STXBP5: variants seen among roughly 807,000 people sequenced by gnomAD.
STXBP5 encodes syntaxin binding protein 5.
STXBP5 carries 50 observed loss-of-function variants against 152.4 expected under a neutral mutation model. The observed-to-expected ratio is 0.33, with a 90% CI of 0.26 to 0.42. The LOEUF is 0.42. Ranked by LOEUF, STXBP5 falls within the 10% of genes least tolerant of loss-of-function variation. The pLI, the probability that STXBP5 is intolerant of heterozygous loss-of-function variation, is 1.00. For missense variants in STXBP5, 1,167 were observed against 1,388.6 expected, an observed-to-expected ratio of 0.84 and a Z score of 2.54; for synonymous variants, 492 against 494.7, an observed-to-expected ratio of 0.99 and a Z score of 0.07.
intron 21 of STXBP5, among the ~76,000 whole-genome samples, chr6:147,347,745 GA>G (rs1784401201): frequency 6.6e-6 from 1 of 152,084 alleles, no homozygotes; most frequent in African/African-American, 2.4e-5. Context: ...TTTAAGAAAA[GA>G]TACATCTTGT....
At chr6:147,224,742 G>T (rs897747556) in intron 2 of STXBP5, among the ~76,000 whole-genome samples, 1 of 152,078 alleles carries the variant, frequency 6.6e-6, no homozygotes, top group Non-Finnish European at 1.5e-5. Flanking sequence ...GAAATCAAAG[G>T]TTTCTGATGA....
chr6:147,344,330 G>A (rs574779752), intron 21 of STXBP5, among the ~76,000 whole-genome samples: 40 of 152,278 alleles, frequency 2.6e-4, no homozygotes, highest in African/African-American at 9.4e-4. Flanking sequence ...CTAGCATAAA[G>A]AAAATTAGTC....
intron 8 of STXBP5, among the ~76,000 whole-genome samples, chr6:147,281,786 G>A (rs1780714833): frequency 6.6e-6 from 1 of 152,196 alleles, no homozygotes; most frequent in African/African-American, 2.4e-5. Flanking sequence ...TATCCTTGAA[G>A]AATCTGTTCA....
rs752458091 is a variant in STXBP5, at chr6:147,204,537, G to A, written c.5G>A (p.Arg2Lys). 2 of 1,612,142 alleles carry A rather than the reference G, an allele frequency of 1.2e-6. No individual in the cohort carries two copies. Among genetic ancestry groups the A allele is most frequent in the Admixed American group, 1.7e-5 (1 of 59,932 alleles). Residue 2 changes from arginine (R) to lysine (K), a missense_variant, in exon 1 of 28, where the codon AGG becomes AAG. Arg to Lys is a conservative substitution (Grantham distance 26). This residue lies in a region of STXBP5 where 310 missense variants were observed against 346.1 expected (regional missense o/e 0.90). Coordinates refer to ENST00000321680, the MANE Select transcript of STXBP5 (RefSeq NM_001127715.4). The surrounding 1 kb of genome is among the most constrained non-coding windows in gnomAD (Gnocchi z 4.3). MRKFNIRKVLDG... is the reference protein window; with the variant it reads MKKFNIRKVLDG... ...CGGGGGAGCCCCTCCGAGACCATGA[G>A]GAAATTCAACATCAGGAAGGTGCTG...
intron 2 of STXBP5, among the ~76,000 whole-genome samples, chr6:147,219,084 A>T (rs1437816821): frequency 6.6e-6 from 1 of 152,132 alleles, no homozygotes; most frequent in Non-Finnish European, 1.5e-5. Context: ...TGTAGTTTTT[A>T]TGTAGATGTT....
chr6:147,380,770 T>C (rs1411848027), intron 26 of STXBP5, among the ~76,000 whole-genome samples: 1 of 152,096 alleles, frequency 6.6e-6, no homozygotes, highest in African/African-American at 2.4e-5. Flanking sequence ...ATATCTGATA[T>C]CAGATTACGT....
chr6:147,263,244 G>C (rs1458117627), intron 6 of STXBP5, among the ~76,000 whole-genome samples: 1 of 151,782 alleles, frequency 6.6e-6, no homozygotes, highest in Non-Finnish European at 1.5e-5. Context: ...TTCAATGGGA[G>C]GCATGGTAGG....
chr6:147,291,983 T>G (rs901313680), intron 9 of STXBP5, among the ~76,000 whole-genome samples: 1 of 151,978 alleles, frequency 6.6e-6, no homozygotes, highest in African/African-American at 2.4e-5. Context: ...GATTCTCAGA[T>G]TCCACCCTAG....
intron 18 of STXBP5, among the ~76,000 whole-genome samples, chr6:147,332,297 G>C (rs898180363): frequency 6.6e-6 from 1 of 152,158 alleles, no homozygotes; most frequent in African/African-American, 2.4e-5. Context: ...AACTGAAAGA[G>C]ACACACACTT....
chr6:147,324,263 G>GTTTTTTTTTTTTTTTTTT (rs764684701), intron 16 of STXBP5, among the ~76,000 whole-genome samples: 2 of 85,044 alleles, frequency 2.4e-5, no homozygotes, highest in South Asian at 4.3e-4. Context: ...GTTTTTTTTT[G>GTTTTTTTTTTTTTTTTTT]GTTTTTTTTT....
rs759420883 is a variant in STXBP5, at chr6:147,364,004, G to A, written c.2919G>A (p.Leu973=). Reference sequence around the variant, plus strand: ...AGTTTTTAATTTTTTTCTCAAGTTTGCCAAGTTTAAGACCTCTGTTGGATG... The same window carrying A: ...AGTTTTTAATTTTTTTCTCAAGTTTACCAAGTTTAAGACCTCTGTTGGATG... ...CANGHIMTFS[L]PSLRPLLDVY... Residue 973 remains leucine, a synonymous_variant, in exon 25 of 28, where the codon TTG becomes TTA. Coordinates refer to ENST00000321680, the MANE Select transcript of STXBP5 (RefSeq NM_001127715.4). 6.2e-7 allele frequency: 1 copy of A among 1,609,012 alleles called. No homozygotes were observed. Among genetic ancestry groups the A allele is most frequent in the Non-Finnish European group, 8.5e-7 (1 of 1,178,834 alleles).
At chr6:147,337,203 AC>A (rs1783872935) in intron 19 of STXBP5, among the ~76,000 whole-genome samples, 1 of 144,776 alleles carries the variant, frequency 6.9e-6, no homozygotes, top group African/African-American at 2.6e-5. Context: ...ACACACACAC[AC>A]ACACACACAC....
intron 3 of STXBP5, among the ~76,000 whole-genome samples, chr6:147,237,216 T>G (rs1778320926): frequency 6.6e-6 from 1 of 152,214 alleles, no homozygotes; most frequent in South Asian, 2.1e-4. Context: ...ATATTAAGTA[T>G]TCTTTTTCTC....
intron 6 of STXBP5, among the ~76,000 whole-genome samples, chr6:147,265,942 A>C (rs1779872894): frequency 6.6e-6 from 1 of 151,998 alleles, no homozygotes; most frequent in Non-Finnish European, 1.5e-5. Context: ...TTATTGGAGC[A>C]CATAGGGAGG....
chr6:147,333,637 C>A (rs558307728), intron 18 of STXBP5, among the ~76,000 whole-genome samples: 10 of 152,334 alleles, frequency 6.6e-5, no homozygotes, highest in Non-Finnish European at 1.5e-4. Flanking sequence ...ATTCAGTACT[C>A]ATGTTCTTAG....
chr6:147,316,177 A>G, intron 15 of STXBP5, 52 bp from the exon 16 acceptor site: 1 of 1,549,032 alleles, frequency 6.5e-7, no homozygotes, highest in Non-Finnish European at 8.9e-7. Flanking sequence ...AAATTGTGAT[A>G]AAATGAGCAA....
At chr6:147,291,233 C>G in intron 9 of STXBP5, 61 bp downstream of exon 9, 1 of 1,350,088 alleles carries the variant, frequency 7.4e-7, no homozygotes, top group Non-Finnish European at 1.0e-6. Context: ...GCATGGAAGG[C>G]TATTTTATCA....
At position 147,288,753 on chromosome 6, in the gene STXBP5, G is replaced by A. The variant is rs533890631; in HGVS notation, c.839-2341G>A. 3.3e-5 allele frequency among the ~76,000 whole-genome samples: 5 copies of A among 152,282 alleles called. No homozygotes were observed. In the South Asian group the frequency reaches 1.0e-3, roughly 32 times the overall value. The stretch of plus-strand genomic sequence containing the variant: ...AAAAGAGACCAAGGCAAGTTTCAGA[G>A]CAGGAGTGGAAGTTTATTAAAAAGG... On this transcript the variant is annotated intron_variant, in intron 8 of 27. Coordinates refer to ENST00000321680, the MANE Select transcript of STXBP5 (RefSeq NM_001127715.4).
chr6:147,248,062 C>G (rs1778899064), intron 4 of STXBP5, among the ~76,000 whole-genome samples: 2 of 152,030 alleles, frequency 1.3e-5, no homozygotes. Context: ...GGCAGATCAC[C>G]TGAGGTCAGG....
Sources: gnomAD v4.1 joint callset for allele counts (sites outside exome capture counted in the v4.1 genomes callset) on GRCh38, gnomAD v4.1.1 for gene constraint, gnomAD v4.1.1 regional missense constraint, Gnocchi (gnomAD v3.1) non-coding constraint, MANE v1.5 for transcripts, NCBI Gene and HGNC (gene_info 2026-07-23, HGNC 2026-07-21) for gene names.